ARID5B: variants seen among roughly 807,000 people sequenced by gnomAD.
ARID5B encodes the protein AT-rich interactive domain-containing protein 5B.
Under a neutral mutation model 97.2 loss-of-function variants are expected in ARID5B, and 13 were observed. That is an observed-to-expected ratio of 0.13 (90% CI 0.09 to 0.21). ARID5B has a LOEUF of 0.21. Ranked by LOEUF, ARID5B falls within the 10% of genes least tolerant of loss-of-function variation. ARID5B has a pLI of 1.00. For missense variants in ARID5B, 1,210 were observed against 1,465.3 expected (o/e 0.83, Z 2.84); for synonymous variants, 556 against 570.3 (o/e 0.97, Z 0.36).
At chr10:61,925,687 G>A (rs1301572351) in intron 2 of ARID5B, among the ~76,000 whole-genome samples, 1 of 152,218 alleles carries the variant, frequency 6.6e-6, no homozygotes, top group Non-Finnish European at 1.5e-5. Flanking sequence ...AAATGGAACA[G>A]GGAATTATGA....
chr10:61,917,146 T>C (rs1843921019), intron 2 of ARID5B, among the ~76,000 whole-genome samples: 1 of 143,842 alleles, frequency 7.0e-6, no homozygotes. Context: ...GGCAACAGAG[T>C]AAGATCCTGT....
intron 6 of ARID5B, among the ~76,000 whole-genome samples, chr10:62,058,366 A>G (rs1473464540): frequency 6.6e-6 from 1 of 152,174 alleles, no homozygotes; most frequent in Non-Finnish European, 1.5e-5. Flanking sequence ...TGTGTCAAAG[A>G]GCCTTTAAAA....
At chr10:61,956,254 A>G (rs111255911) in intron 3 of ARID5B, among the ~76,000 whole-genome samples, 30 of 152,286 alleles carry the variant, frequency 2.0e-4, no homozygotes, top group African/African-American at 7.0e-4. Flanking sequence ...TAGGAGCACA[A>G]ACCCTATTGT....
At chr10:61,957,703 T>C (rs566081363) in intron 3 of ARID5B, among the ~76,000 whole-genome samples, 3 of 152,374 alleles carry the variant, frequency 2.0e-5, no homozygotes, top group African/African-American at 7.2e-5. Flanking sequence ...AGATGGCATG[T>C]TGAAATAATA....
At chr10:61,996,332 G>A (rs921115594) in intron 3 of ARID5B, among the ~76,000 whole-genome samples, 1 of 151,980 alleles carries the variant, frequency 6.6e-6, no homozygotes, top group Non-Finnish European at 1.5e-5. Flanking sequence ...CCCTAATAGT[G>A]TAAACCAGTT....
intron 2 of ARID5B, among the ~76,000 whole-genome samples, chr10:61,910,883 C>T (rs1055220866): frequency 5.9e-5 from 9 of 152,194 alleles, no homozygotes; most frequent in Non-Finnish European, 8.8e-5. Context: ...TATAAATAGA[C>T]GCACAGTGGC....
At chr10:61,916,906 C>G (rs771199730) in intron 2 of ARID5B, among the ~76,000 whole-genome samples, 1 of 152,152 alleles carries the variant, frequency 6.6e-6, no homozygotes, top group South Asian at 2.1e-4. Context: ...CCCTCTGGGT[C>G]AGGCAGATAA....
At position 62,095,861 on chromosome 10, in the gene ARID5B, G is replaced by A. The variant is rs914639981; in HGVS notation, c.*2831G>A. ...TATTGGTAGTTCTGTAAAGGAAACT[G>A]TGGAATCGAATTGGCAGTGGAGTCA... On this transcript the variant is annotated 3_prime_UTR_variant, in exon 10 of 10. Transcript: ENST00000279873. 1 of 230,996 alleles carries A rather than the reference G, an allele frequency of 4.3e-6. No individual in the cohort carries two copies. The highest frequency in any genetic ancestry group is 8.6e-6 in the Non-Finnish European group (1 of 116,378). The allele number at this position is 230,996 out of a possible 1,614,324, so 14.3% of individuals were successfully genotyped here.
chr10:61,919,843 T>C (rs536987534), intron 2 of ARID5B, among the ~76,000 whole-genome samples: 47 of 151,828 alleles, frequency 3.1e-4, no homozygotes, highest in Non-Finnish European at 6.2e-4. Context: ...GTAAAAAGAC[T>C]GAAGTTTTTT....
chr10:61,941,974 T>C (rs928457011), intron 3 of ARID5B, among the ~76,000 whole-genome samples: 9 of 152,254 alleles, frequency 5.9e-5, no homozygotes, highest in African/African-American at 2.2e-4. Flanking sequence ...ACCATTGTCT[T>C]ATGTTTTCCT....
intron 3 of ARID5B, among the ~76,000 whole-genome samples, chr10:61,959,813 G>A (rs1252147135): frequency 6.6e-6 from 1 of 152,114 alleles, no homozygotes; most frequent in African/African-American, 2.4e-5. Flanking sequence ...CAGGTGGTTG[G>A]TCACCTAGTC....
rs1198498194 is a variant in ARID5B, at chr10:62,092,239, C to T, written c.2776C>T (p.His926Tyr). 2.5e-6 allele frequency: 4 copies of T among 1,609,558 alleles called. No homozygotes were observed. The South Asian group carries it at 3.3e-5, about 13-fold the overall frequency. Residue 926 changes from histidine (H) to tyrosine (Y), a missense_variant, in exon 10 of 10, where the codon CAT (histidine) becomes TAT (tyrosine). His to Tyr is a moderately conservative substitution (Grantham distance 83, BLOSUM62 2). This residue lies in a region of ARID5B where 800 missense variants were observed against 839.1 expected (regional missense o/e 0.95). Transcript: ENST00000279873. Reference protein sequence around the residue: ...KPTGKVLGLAHSTTGPQESKG... With the variant: ...KPTGKVLGLAYSTTGPQESKG... ...TACCGGCAAGGTCCTGGGCCTGGCT[C>T]ATTCCACCACAGGGCCCCAGGAGAG...
At chr10:62,002,863 T>C (rs1170219312) in intron 4 of ARID5B, among the ~76,000 whole-genome samples, 1 of 152,184 alleles carries the variant, frequency 6.6e-6, no homozygotes, top group Non-Finnish European at 1.5e-5. Flanking sequence ...TACCACACGT[T>C]TGGTGACTTC....
chr10:61,931,075 T>G (rs1844202220), intron 2 of ARID5B, among the ~76,000 whole-genome samples: 1 of 152,136 alleles, frequency 6.6e-6, no homozygotes, highest in Non-Finnish European at 1.5e-5. Context: ...CATTACCAAA[T>G]GCTACAAAGA....
intron 3 of ARID5B, among the ~76,000 whole-genome samples, chr10:61,948,492 G>A (rs555376140): frequency 4.2e-5 from 6 of 142,316 alleles, no homozygotes; most frequent in South Asian, 4.5e-4. Flanking sequence ...TCAGCCTCCC[G>A]AGTAGCTGGG....
intron 5 of ARID5B, 104 bp from the exon 6 acceptor site, chr10:62,057,013 C>A: frequency 9.4e-7 from 1 of 1,066,786 alleles, no homozygotes; most frequent in Non-Finnish European, 1.4e-6. Context: ...CCGGTTCACC[C>A]TTAGCACTCA....
chr10:62,083,108 C>T (rs1449605161), intron 8 of ARID5B, among the ~76,000 whole-genome samples: 1 of 151,924 alleles, frequency 6.6e-6, no homozygotes, highest in Non-Finnish European at 1.5e-5. Context: ...CTCTGGAAGC[C>T]TTGAACAAGT....
Position 62,091,789 on chromosome 10 carries a change from G to A in ARID5B, c.2326G>A (p.Glu776Lys). 6.2e-7 allele frequency: 1 copy of A among 1,614,036 alleles called. No homozygotes were observed. The highest frequency in any genetic ancestry group is 8.5e-7 in the Non-Finnish European group (1 of 1,180,004). ...RKTINDIFKHEKLSRSDPHRC... is the reference protein window; with the variant it reads ...RKTINDIFKHKKLSRSDPHRC... ...GACCATCAATGACATCTTTAAGCATGAGAAACTGAGTCGATCAGATCCCCA... is the reference window on the plus strand; with the variant it reads ...GACCATCAATGACATCTTTAAGCATAAGAAACTGAGTCGATCAGATCCCCA... Residue 776 changes from glutamate (E) to lysine (K), a missense_variant, in exon 10 of 10, where the codon GAG becomes AAG. Transcript: ENST00000279873.
intron 3 of ARID5B, among the ~76,000 whole-genome samples, chr10:61,965,656 G>GT (rs1838534922): frequency 6.6e-6 from 1 of 152,008 alleles, no homozygotes; most frequent in Non-Finnish European, 1.5e-5. Context: ...GCTTTTTTGA[G>GT]TTCCCAAGGG....
Sources: gnomAD v4.1 joint callset for allele counts (sites outside exome capture counted in the v4.1 genomes callset) on GRCh38, gnomAD v4.1.1 for gene constraint, gnomAD v4.1.1 regional missense constraint, MANE v1.5 for transcripts, NCBI Gene and HGNC (gene_info 2026-07-23, HGNC 2026-07-21) for gene names.